The following NXPE2 variants were observed in gnomAD, a reference collection of about 807,000 sequenced individuals.
NXPE2 encodes the protein NXPE family member 2.
NXPE2 carries 34 observed loss-of-function variants against 34.4 expected under a neutral mutation model. The observed-to-expected ratio is 0.99, with a 90% CI of 0.75 to 1.31. The LOEUF is 1.31. Among genes scored for constraint, NXPE2 ranks in the 40% most tolerant of loss-of-function variants. NXPE2 has a pLI of 0.00. For missense variants in NXPE2, 649 were observed against 672.5 expected (o/e 0.97, Z 0.39); for synonymous variants, 235 against 231.3 (o/e 1.02, Z -0.15).
At chr11:114,771,090 A>G in the NXPE2 span, among the ~76,000 whole-genome samples, 6 of 152,210 alleles carry the variant, frequency 3.9e-5, no homozygotes, top group South Asian at 2.1e-4. Flanking sequence ...TATGGTGGAT[A>G]CTCAATAAAT....
At chr11:114,804,198 C>G in the NXPE2 span, among the ~76,000 whole-genome samples, 3 of 151,096 alleles carry the variant, frequency 2.0e-5, no homozygotes, top group South Asian at 6.3e-4. Context: ...CATCAAGTAT[C>G]AGGGAAGATT....
the NXPE2 span, among the ~76,000 whole-genome samples, chr11:114,630,061 A>T: frequency 6.6e-6 from 1 of 151,822 alleles, no homozygotes; most frequent in East Asian, 1.9e-4. Context: ...GCTCATGGGT[A>T]GGAAGAATCA....
At chr11:114,509,672 A>G in the NXPE2 span, among the ~76,000 whole-genome samples, 8 of 152,346 alleles carry the variant, frequency 5.3e-5, no homozygotes, top group African/African-American at 1.9e-4. Flanking sequence ...ACACAGAAAC[A>G]GAAAACCAGA....
the NXPE2 span, among the ~76,000 whole-genome samples, chr11:114,642,129 C>G: frequency 6.6e-6 from 1 of 151,958 alleles, no homozygotes; most frequent in South Asian, 2.1e-4. Flanking sequence ...GCTAGATGAT[C>G]AAGATCAACA....
the NXPE2 span, among the ~76,000 whole-genome samples, chr11:114,625,997 A>G: frequency 7.9e-5 from 12 of 152,198 alleles, no homozygotes; most frequent in African/African-American, 2.7e-4. Flanking sequence ...CCAGGAGATT[A>G]TATCCCGCAT....
the NXPE2 span, among the ~76,000 whole-genome samples, chr11:114,639,570 G>A: frequency 4.0e-5 from 6 of 150,334 alleles, no homozygotes; most frequent in Non-Finnish European, 7.4e-5. Flanking sequence ...CGCTCAGGCC[G>A]GGAGCTGTAG....
the NXPE2 span, among the ~76,000 whole-genome samples, chr11:114,596,900 A>G: frequency 6.6e-6 from 1 of 152,216 alleles, no homozygotes; most frequent in Non-Finnish European, 1.5e-5. Context: ...TAAAGAACCA[A>G]GAGTACAAAA....
intron 3 of NXPE2, among the ~76,000 whole-genome samples, chr11:114,701,280 C>A (rs960696004): frequency 1.3e-5 from 2 of 151,982 alleles, no homozygotes; most frequent in Admixed American, 1.3e-4. Context: ...TTCTATATTC[C>A]CTGTTGGCTA....
chr11:114,577,917 T>G, the NXPE2 span, among the ~76,000 whole-genome samples: 1 of 152,188 alleles, frequency 6.6e-6, no homozygotes, highest in Non-Finnish European at 1.5e-5. Flanking sequence ...TACTAGTCAT[T>G]TGTGGAACCC....
At chr11:114,493,904 A>G in the NXPE2 span, among the ~76,000 whole-genome samples, 1 of 152,194 alleles carries the variant, frequency 6.6e-6, no homozygotes, top group East Asian at 1.9e-4. Context: ...TATTGATGAA[A>G]TCCTTCAGCT....
chr11:114,710,564 A>T (rs1284409251), downstream of NXPE2, among the ~76,000 whole-genome samples: 1 of 152,208 alleles, frequency 6.6e-6, no homozygotes, highest in Non-Finnish European at 1.5e-5. Context: ...AAATTTGAAC[A>T]GACCTATAAC....
At chr11:114,796,461 C>A in the NXPE2 span, among the ~76,000 whole-genome samples, 3 of 152,088 alleles carry the variant, frequency 2.0e-5, no homozygotes, top group Non-Finnish European at 2.9e-5. Context: ...TAGAGTGATA[C>A]CCTTAGACAC....
the NXPE2 span, among the ~76,000 whole-genome samples, chr11:114,509,197 A>G: frequency 3.9e-3 from 594 of 152,334 alleles, 9 homozygotes; most frequent in African/African-American, 0.014. Flanking sequence ...CAAAACCACA[A>G]TGAGATACCA....
At chr11:114,676,388 A>G (rs182342798), upstream of NXPE2, among the ~76,000 whole-genome samples, 775 of 149,440 alleles carry the variant, frequency 5.2e-3, 14 homozygotes, top group African/African-American at 0.018. Flanking sequence ...AATTAAATAT[A>G]AAAGAACTCA....
chr11:114,640,802 A>G, the NXPE2 span, among the ~76,000 whole-genome samples: 5 of 151,802 alleles, frequency 3.3e-5, no homozygotes, highest in Non-Finnish European at 7.4e-5. Flanking sequence ...TAATAGAACT[A>G]TTTATTTTTT....
chr11:114,514,851 CT>C, the NXPE2 span, among the ~76,000 whole-genome samples: 38 of 151,882 alleles, frequency 2.5e-4, no homozygotes, highest in Non-Finnish European at 5.0e-4. Context: ...GTATTTTTTG[CT>C]TATTTATCTT....
the NXPE2 span, among the ~76,000 whole-genome samples, chr11:114,729,970 C>A: frequency 2.0e-5 from 3 of 152,042 alleles, no homozygotes; most frequent in South Asian, 4.1e-4. Context: ...GTCAAAAATT[C>A]TTTCCCAAGG....
At chr11:114,678,446 G>GGCCACAGCGT, upstream of NXPE2, 3 of 684,184 alleles carry the variant, frequency 4.4e-6, no homozygotes, top group South Asian at 1.9e-5. Flanking sequence ...GGCACGCTGT[G>GGCCACAGCGT]GCCACAAATA....
At chr11:114,649,424 A>C in the NXPE2 span, among the ~76,000 whole-genome samples, 12 of 152,352 alleles carry the variant, frequency 7.9e-5, no homozygotes, top group East Asian at 2.3e-3. Context: ...AACTACTAGT[A>C]CATGTTAGCA....
Sources: allele counts gnomAD v4.1 joint callset (sites outside exome capture counted in the v4.1 genomes callset), GRCh38; gene constraint gnomAD v4.1.1; transcripts MANE v1.5; gene names NCBI Gene and HGNC (gene_info 2026-07-23, HGNC 2026-07-21).